Variants in FUT8 observed in about 807,000 individuals in gnomAD.
FUT8 encodes fucosyltransferase 8, also known as alpha-(1,6)-fucosyltransferase.
In FUT8, 29 loss-of-function variants were observed where a neutral mutation model predicts 71.3. The observed-to-expected ratio is 0.41, with a 90% CI of 0.30 to 0.55. The LOEUF (loss-of-function observed/expected upper bound fraction) is 0.55, where lower values mean the gene tolerates loss of function less well. FUT8 is among the 20% of genes least tolerant of loss of function. FUT8 has a pLI of 0.34. For missense variants in FUT8, 544 were observed against 702.1 expected, an observed-to-expected ratio of 0.77 and a Z score of 2.55; for synonymous variants, 254 against 239.3, an observed-to-expected ratio of 1.06 and a Z score of -0.57.
intron 2 of FUT8, among the ~76,000 whole-genome samples, chr14:65,456,407 A>C (rs1959146): frequency 6.6e-6 from 1 of 152,132 alleles, no homozygotes; most frequent in African/African-American, 2.4e-5. Context: ...TGTGTGCATC[A>C]GTAGTTGTGT....
At position 65,437,508 on chromosome 14, in the gene FUT8, A is replaced by G. The variant is rs113022113; in HGVS notation, c.-325-18113A>G. Among the ~76,000 whole-genome samples, 1,425 of 152,200 alleles carry G rather than the reference A, an allele frequency of 9.4e-3. 22 individuals carry two copies. The highest frequency in any genetic ancestry group is 0.033 in the African/African-American group (1,362 of 41,528). On this transcript the variant is annotated intron_variant, in intron 1 of 10. Coordinates refer to ENST00000673929, the MANE Select transcript of FUT8 (RefSeq NM_001371533.1). The stretch of plus-strand genomic sequence containing the variant: ...CACTAACACCACCACTGCCATCTCC[A>G]TGTCATGCTTGTGTTAAAGAAAGAC...
intron 2 of FUT8, among the ~76,000 whole-genome samples, chr14:65,523,001 T>C (rs1883188647): frequency 1.3e-5 from 2 of 152,190 alleles, no homozygotes; most frequent in Non-Finnish European, 2.9e-5. Flanking sequence ...GTTCCAAGTC[T>C]TTGCTATTGT....
At chr14:65,598,301 C>T (rs1238825250) in intron 3 of FUT8, among the ~76,000 whole-genome samples, 2 of 152,118 alleles carry the variant, frequency 1.3e-5, no homozygotes, top group Non-Finnish European at 2.9e-5. Flanking sequence ...CAGCTCACTG[C>T]AACCTCTGCC....
chr14:65,489,365 A>G lies in FUT8; in HGVS notation c.-228+33647A>G, dbSNP rs538986817. Among the ~76,000 whole-genome samples, 80 of 152,264 alleles carry G rather than the reference A, an allele frequency of 5.3e-4. No individual in the cohort carries two copies. The Middle Eastern group carries it at 0.024, about 45-fold the overall frequency. On this transcript the variant is annotated intron_variant, in intron 2 of 10. Transcript: ENST00000673929. This position sits in a 1 kb window ranked among gnomAD's most constrained non-coding sequence, Gnocchi z 4.0. The stretch of plus-strand genomic sequence containing the variant: ...GGGACGTATCTCTTTTAGTCTCCGT[A>G]TATTAAATCTTAGGGAACCTGAAAG...
At chr14:65,441,207 T>TA (rs1010654591) in intron 1 of FUT8, among the ~76,000 whole-genome samples, 62 of 152,310 alleles carry the variant, frequency 4.1e-4, no homozygotes, top group African/African-American at 1.4e-3. Flanking sequence ...TTTCTTTCCC[T>TA]ACTTGATATA....
At position 65,412,830 on chromosome 14, in the gene FUT8, A is replaced by G. The variant is rs1472406590; in HGVS notation, c.-710A>G. ...CGCGTTATCTCCGGCCGACCCGAGC[A>G]GCCGGTTCCCTCCTCTCCAGGCCCC... On this transcript the variant is annotated 5_prime_UTR_variant, in exon 1 of 11. Coordinates refer to ENST00000673929, the MANE Select transcript of FUT8 (RefSeq NM_001371533.1). 6.0e-6 allele frequency: 1 copy of G among 167,582 alleles called. No homozygotes were observed. The highest frequency in any genetic ancestry group is 1.3e-5 in the Non-Finnish European group (1 of 78,506). 10.4% of individuals were successfully genotyped at this position (167,582 alleles called of 1,614,324 possible). A position where few individuals can be genotyped will look rare whatever the true frequency, so the allele number is the denominator to read the frequency against.
rs923179680 is a variant in FUT8 at position 65,581,885 on chromosome 14, G to A, written c.203+20119G>A. On this transcript the variant is annotated intron_variant, in intron 3 of 10. Coordinates refer to ENST00000673929, the MANE Select transcript of FUT8 (RefSeq NM_001371533.1). ...TTTTCTGTTTTCTAAGAGGACTTTT[G>A]CATATTCACATATAAATTGTGGTTT... 9.2e-5 allele frequency among the ~76,000 whole-genome samples: 14 copies of A among 152,134 alleles called. No individual in the cohort carries two copies. In the South Asian group the frequency reaches 1.2e-3, roughly 14 times the overall value.
intron 9 of FUT8, among the ~76,000 whole-genome samples, chr14:65,732,781 G>A (rs1044363439): frequency 6.6e-6 from 1 of 152,132 alleles, no homozygotes; most frequent in Non-Finnish European, 1.5e-5. Flanking sequence ...TAATGTCAAT[G>A]AAGAAGACAT....
chr14:65,521,924 T>C (rs1467918757), intron 2 of FUT8, among the ~76,000 whole-genome samples: 1 of 152,048 alleles, frequency 6.6e-6, no homozygotes, highest in Non-Finnish European at 1.5e-5. Flanking sequence ...CAGAGGTCTT[T>C]AGAGATCATT....
chr14:65,469,569 T>C (rs921864704), intron 2 of FUT8, among the ~76,000 whole-genome samples: 1 of 152,134 alleles, frequency 6.6e-6, no homozygotes. Context: ...AAGTGGAGGG[T>C]GAGCAAGACA....
chr14:65,480,356 T>G (rs2066311977), intron 2 of FUT8, among the ~76,000 whole-genome samples: 1 of 146,120 alleles, frequency 6.8e-6, no homozygotes, highest in Admixed American at 7.1e-5. Context: ...TCACCCAGGC[T>G]GGAGTGCAGT....
At chr14:65,507,646 G>A (rs973787519) in intron 2 of FUT8, among the ~76,000 whole-genome samples, 3 of 152,140 alleles carry the variant, frequency 2.0e-5, no homozygotes, top group Admixed American at 6.5e-5. Flanking sequence ...TCTCTTTTAT[G>A]GCTGAATAGT....
intron 6 of FUT8, among the ~76,000 whole-genome samples, chr14:65,649,396 A>G (rs1594858405): frequency 6.6e-6 from 1 of 152,168 alleles, no homozygotes; most frequent in South Asian, 2.1e-4. Flanking sequence ...TGAGTTTGTG[A>G]GTATCAGGGA....
In FUT8 at chr14:65,607,924, G is replaced by A. The variant is rs2140189580; in HGVS notation, c.204-8054G>A. Among the ~76,000 whole-genome samples, 1 of 151,856 alleles carries A rather than the reference G, an allele frequency of 6.6e-6. No individual in the cohort carries two copies. The highest frequency in any genetic ancestry group is 2.1e-4 in the South Asian group (1 of 4,772). On this transcript the variant is annotated intron_variant, in intron 3 of 10. Transcript: ENST00000673929. This position sits in a 1 kb window ranked among gnomAD's most constrained non-coding sequence, Gnocchi z 4.1. ...CGAAAAATACAAAAAAATTAGCTGG[G>A]TGTGGCGGCGCATGCCTGTAATCCC...
intron 2 of FUT8, among the ~76,000 whole-genome samples, chr14:65,522,357 CT>C (rs552916801): frequency 7.3e-5 from 11 of 150,700 alleles, no homozygotes; most frequent in East Asian, 3.9e-4. Flanking sequence ...GTGTTATTTC[CT>C]TTTTTTTTAA....
At chr14:65,675,834 A>AG (rs1892687589) in intron 7 of FUT8, among the ~76,000 whole-genome samples, 1 of 121,946 alleles carries the variant, frequency 8.2e-6, no homozygotes, top group Non-Finnish European at 2.0e-5. Flanking sequence ...TACTAAAAAT[A>AG]CAAAAAAAAA....
intron 3 of FUT8, among the ~76,000 whole-genome samples, chr14:65,589,797 AC>A (rs1887590448): frequency 6.6e-6 from 1 of 151,870 alleles, no homozygotes; most frequent in Admixed American, 6.6e-5. Flanking sequence ...CAGTTTAAAG[AC>A]CTCTCTTCTC....
intron 2 of FUT8, among the ~76,000 whole-genome samples, chr14:65,495,755 T>C (rs1431212329): frequency 6.6e-6 from 1 of 152,204 alleles, no homozygotes; most frequent in Non-Finnish European, 1.5e-5. Context: ...CAGTATATAA[T>C]ATTTTTTGCT....
intron 6 of FUT8, among the ~76,000 whole-genome samples, chr14:65,664,609 A>G (rs1188604055): frequency 1.3e-5 from 2 of 152,140 alleles, no homozygotes; most frequent in Non-Finnish European, 1.5e-5. Flanking sequence ...TATGAAAGGT[A>G]CTTCTTCTGG....
Sources: allele counts gnomAD v4.1 joint callset (sites outside exome capture counted in the v4.1 genomes callset), GRCh38; gene constraint gnomAD v4.1.1; non-coding constraint Gnocchi (gnomAD v3.1); transcripts MANE v1.5; gene names NCBI Gene and HGNC (gene_info 2026-07-23, HGNC 2026-07-21).